DPYD: variants seen among roughly 807,000 people sequenced by gnomAD.
DPYD encodes dihydropyrimidine dehydrogenase.
In DPYD, 109 loss-of-function variants were observed where a neutral mutation model predicts 116.2. The ratio of observed to expected loss-of-function variants is 0.94; its 90% CI spans 0.80 to 1.10. The LOEUF is 1.10. Ranked by LOEUF, DPYD falls within the 50% of genes least tolerant of loss-of-function variation. The probability of loss-of-function intolerance (pLI) is 0.00; values close to 1 mark genes in which losing one functional copy is unlikely to be tolerated. For missense variants in DPYD, 1,302 were observed against 1,254.5 expected (o/e 1.04, Z -0.57); for synonymous variants, 440 against 432.0 (o/e 1.02, Z -0.23).
At chr1:97,359,103 T>G (rs1410077511) in intron 16 of DPYD, among the ~76,000 whole-genome samples, 1 of 148,250 alleles carries the variant, frequency 6.7e-6, no homozygotes, top group African/African-American at 2.5e-5. Context: ...ATAAACAGTG[T>G]GGAGAAAAAC....
Position 97,313,720 on chromosome 1 carries a change from T to C in DPYD, c.2059-7423A>G, listed in dbSNP as rs1472215903. On this transcript the variant is annotated intron_variant, in intron 16 of 22. Coordinates refer to ENST00000370192, the MANE Select transcript of DPYD (RefSeq NM_000110.4). ...CAGCCCTCCATGACAAATCCTTCCA[T>C]CTCACTTCAGCATAGGATGGATTAG... Among the ~76,000 whole-genome samples the C allele has an allele frequency of 2.0e-5, 3 of 152,044 alleles. No individual in the cohort carries two copies. The East Asian group carries it at 5.9e-4, about 30-fold the overall frequency.
chr1:97,258,575 T>C (rs888559548), intron 18 of DPYD, among the ~76,000 whole-genome samples: 2 of 152,146 alleles, frequency 1.3e-5, no homozygotes, highest in Admixed American at 6.5e-5. Context: ...AACTCCCAAA[T>C]AGGCCACTTT....
chr1:97,689,652 A>G (rs1660909327), intron 7 of DPYD, among the ~76,000 whole-genome samples: 1 of 152,030 alleles, frequency 6.6e-6, no homozygotes, highest in Non-Finnish European at 1.5e-5. Flanking sequence ...TGACTTTAAA[A>G]TATATATTAG....
rs72549305 is a variant in DPYD, at chr1:97,593,238, T to C, written c.1108A>G (p.Ile370Val). 15 of 1,614,126 alleles carry C rather than the reference T, an allele frequency of 9.3e-6. No homozygotes were observed. The South Asian group carries it at 1.3e-4, about 14-fold the overall frequency. The part of the protein sequence containing the change: ...FIVFRKGFVN[I>V]RAVPEEMELA... ...TTTACCTCCTCAGGGACAGCTCTTA[T>C]ATTAACAAAGCCTTTTCTGAAGACG... is the stretch of plus-strand genomic sequence containing the variant. The change falls in exon 10 of 23, where the codon ATA (isoleucine) becomes GTA (valine). Residue 370 changes from isoleucine to valine, a missense_variant. Coordinates refer to ENST00000370192, the MANE Select transcript of DPYD (RefSeq NM_000110.4).
intron 8 of DPYD, among the ~76,000 whole-genome samples, chr1:97,648,639 G>A (rs1658404135): frequency 6.6e-6 from 1 of 151,954 alleles, no homozygotes; most frequent in Non-Finnish European, 1.5e-5. Flanking sequence ...ACTATTGAAA[G>A]GTAAGAATAC....
At chr1:97,298,882 T>A (rs1395193775) in intron 18 of DPYD, among the ~76,000 whole-genome samples, 1 of 152,180 alleles carries the variant, frequency 6.6e-6, no homozygotes, top group Non-Finnish European at 1.5e-5. Context: ...CTTTTCCTTA[T>A]CATTAGCAGT....
intron 14 of DPYD, among the ~76,000 whole-genome samples, chr1:97,421,352 C>T (rs902171929): frequency 1.3e-5 from 2 of 152,032 alleles, no homozygotes; most frequent in Non-Finnish European, 2.9e-5. Flanking sequence ...GCATGAAAAA[C>T]CATTAGATTT....
chr1:97,357,806 A>G (rs1670498379), intron 16 of DPYD, among the ~76,000 whole-genome samples: 2 of 152,098 alleles, frequency 1.3e-5, no homozygotes, highest in Admixed American at 6.6e-5. Context: ...AGTTATTTCA[A>G]TTAAGATAAT....
intron 14 of DPYD, among the ~76,000 whole-genome samples, chr1:97,389,761 T>C (rs1033962087): frequency 2.0e-5 from 3 of 151,866 alleles, no homozygotes; most frequent in Non-Finnish European, 4.4e-5. Flanking sequence ...TTTTGAAGCA[T>C]ATAAAATGCA....
rs184465958 is a variant in DPYD at position 97,917,205 on chromosome 1, A to G, written c.39+3679T>C. On this transcript the variant is annotated intron_variant, in intron 1 of 22. Coordinates refer to ENST00000370192, the MANE Select transcript of DPYD (RefSeq NM_000110.4). ...AGAAATGACTGATGCTTACACATTC[A>G]GTAAAAATATATCCATTTAAATCAA... 2.0e-5 allele frequency among the ~76,000 whole-genome samples: 3 copies of G among 152,348 alleles called. No homozygotes were observed. In the East Asian group the frequency reaches 5.8e-4, roughly 29 times the overall value.
chr1:97,106,573 T>C (rs904932464), intron 20 of DPYD, among the ~76,000 whole-genome samples: 1 of 152,114 alleles, frequency 6.6e-6, no homozygotes, highest in African/African-American at 2.4e-5. Flanking sequence ...GCCTTTGGAC[T>C]GTAGGCCTTA....
intron 16 of DPYD, among the ~76,000 whole-genome samples, chr1:97,311,640 A>G (rs1039657312): frequency 2.0e-5 from 3 of 151,754 alleles, no homozygotes; most frequent in Admixed American, 1.3e-4. Context: ...TCCAGAATAC[A>G]TGTTCAAAAT....
intron 8 of DPYD, among the ~76,000 whole-genome samples, chr1:97,611,264 C>G (rs1285642877): frequency 1.3e-5 from 2 of 151,888 alleles, no homozygotes; most frequent in Non-Finnish European, 2.9e-5. Flanking sequence ...TTGGTGAGAC[C>G]CATTTACTAT....
At chr1:97,775,903 T>C (rs954837144) in intron 3 of DPYD, among the ~76,000 whole-genome samples, 1 of 152,206 alleles carries the variant, frequency 6.6e-6, no homozygotes, top group African/African-American at 2.4e-5. Flanking sequence ...ATTTAGAATT[T>C]TAAAAATAAT....
intron 18 of DPYD, among the ~76,000 whole-genome samples, chr1:97,296,384 G>T (rs1297456216): frequency 6.6e-6 from 1 of 151,934 alleles, no homozygotes; most frequent in Non-Finnish European, 1.5e-5. Flanking sequence ...ACTCCTTCCA[G>T]TTTATTTATT....
intron 14 of DPYD, among the ~76,000 whole-genome samples, chr1:97,412,291 C>A (rs976296918): frequency 6.6e-6 from 1 of 152,140 alleles, no homozygotes; most frequent in Non-Finnish European, 1.5e-5. Context: ...ACTATTTACT[C>A]CCTTAAATGT....
chr1:97,213,489 G>T (rs1006421398), intron 19 of DPYD, among the ~76,000 whole-genome samples: 1 of 152,074 alleles, frequency 6.6e-6, no homozygotes, highest in African/African-American at 2.4e-5. Context: ...TAGTTAAGAT[G>T]GTTATCACAA....
At chr1:97,307,469 G>A (rs1667241017) in intron 16 of DPYD, among the ~76,000 whole-genome samples, 1 of 151,712 alleles carries the variant, frequency 6.6e-6, no homozygotes, top group Non-Finnish European at 1.5e-5. Context: ...TCTCACTTAG[G>A]TTTAATGTGT....
At chr1:97,634,856 G>C (rs1657474586) in intron 8 of DPYD, among the ~76,000 whole-genome samples, 2 of 151,288 alleles carry the variant, frequency 1.3e-5, no homozygotes, top group Non-Finnish European at 1.5e-5. Flanking sequence ...AGGAGTTTTA[G>C]GGACAAAGAG....
Sources: allele counts gnomAD v4.1 joint callset (sites outside exome capture counted in the v4.1 genomes callset), GRCh38; gene constraint gnomAD v4.1.1; transcripts MANE v1.5; gene names NCBI Gene and HGNC (gene_info 2026-07-23, HGNC 2026-07-21).